Variants in NCMAP observed in about 807,000 individuals in gnomAD.
The protein encoded by NCMAP is noncompact myelin-associated protein.
NCMAP carries 8 observed loss-of-function variants against 7.8 expected under a neutral mutation model. The ratio of observed to expected loss-of-function variants is 1.02; its 90% CI spans 0.60 to 1.84. The LOEUF (loss-of-function observed/expected upper bound fraction) is 1.84, where lower values mean the gene tolerates loss of function less well. NCMAP is among the 40% of genes most tolerant of loss of function. The probability of loss-of-function intolerance (pLI) is 0.00; values close to 1 mark genes in which losing one functional copy is unlikely to be tolerated. For missense variants in NCMAP, 112 were observed against 131.4 expected, an observed-to-expected ratio of 0.85 and a Z score of 0.72; for synonymous variants, 41 against 52.9, an observed-to-expected ratio of 0.78 and a Z score of 0.98.
intron 1 of NCMAP, among the ~76,000 whole-genome samples, chr1:24,562,923 C>A (rs952105964): frequency 6.6e-6 from 1 of 151,652 alleles, no homozygotes; most frequent in Non-Finnish European, 1.5e-5. Context: ...TCCCTTCCCC[C>A]TCCTTATGCC....
At chr1:24,594,717 C>T (rs1652160189) in intron 1 of NCMAP, among the ~76,000 whole-genome samples, 1 of 152,068 alleles carries the variant, frequency 6.6e-6, no homozygotes. Flanking sequence ...ATGTCACTGA[C>T]TGCTTCATAA....
At chr1:24,587,971 G>C (rs372007261) in intron 1 of NCMAP, among the ~76,000 whole-genome samples, 9 of 151,768 alleles carry the variant, frequency 5.9e-5, no homozygotes, top group African/African-American at 1.9e-4. Context: ...TTTTTTAGGA[G>C]TTTAGGAGCG....
chr1:24,561,383 T>C (rs570571494), intron 1 of NCMAP, among the ~76,000 whole-genome samples: 3 of 152,240 alleles, frequency 2.0e-5, no homozygotes, highest in East Asian at 1.9e-4. Flanking sequence ...GTGATATTTA[T>C]ATGACTGCAT....
At chr1:24,575,903 C>A (rs7527475) in intron 1 of NCMAP, among the ~76,000 whole-genome samples, 1 of 129,712 alleles carries the variant, frequency 7.7e-6, no homozygotes, top group Non-Finnish European at 1.6e-5. Context: ...CGAGATCGCA[C>A]CATTGCACTC....
chr1:24,608,592 T>C lies in NCMAP; in HGVS notation c.*2845T>C, dbSNP rs1266748420. The C allele has an allele frequency of 1.3e-5, 2 of 152,272 alleles. No homozygotes were observed. The highest frequency in any genetic ancestry group is 2.9e-5 in the Non-Finnish European group (2 of 68,096). 9.4% of individuals were successfully genotyped at this position (152,272 alleles called of 1,614,324 possible). Reference sequence around the variant, plus strand: ...AAACAAATATGCTCCCCTAAACATATTCGGCTTGAAAAAGTTGTTTTGGGG... The same window carrying C: ...AAACAAATATGCTCCCCTAAACATACTCGGCTTGAAAAAGTTGTTTTGGGG... On this transcript the variant is annotated 3_prime_UTR_variant, in exon 4 of 4. Coordinates refer to ENST00000374392, the MANE Select transcript of NCMAP (RefSeq NM_001010980.5).
intron 1 of NCMAP, among the ~76,000 whole-genome samples, chr1:24,561,204 G>A (rs1249232939): frequency 7.1e-6 from 1 of 140,690 alleles, no homozygotes; most frequent in East Asian, 2.0e-4. Flanking sequence ...AAAAATAGCT[G>A]GGCACGGTGG....
intron 1 of NCMAP, among the ~76,000 whole-genome samples, chr1:24,556,973 C>T (rs1162420083): frequency 6.6e-6 from 1 of 152,178 alleles, no homozygotes; most frequent in Non-Finnish European, 1.5e-5. Flanking sequence ...ACACTTTTCT[C>T]TATGTTTCAG....
chr1:24,588,645 G>A (rs1405188135), intron 1 of NCMAP, among the ~76,000 whole-genome samples: 5 of 152,190 alleles, frequency 3.3e-5, no homozygotes, highest in Non-Finnish European at 7.3e-5. Context: ...GGATGGATCC[G>A]TGAATAAATG....
chr1:24,557,504 A>T (rs1412814801), intron 1 of NCMAP, among the ~76,000 whole-genome samples: 2 of 152,136 alleles, frequency 1.3e-5, no homozygotes, highest in African/African-American at 4.8e-5. Flanking sequence ...TGACAGGCAC[A>T]GCCAGAGCAC....
intron 1 of NCMAP, among the ~76,000 whole-genome samples, chr1:24,565,355 C>T (rs1651197057): frequency 6.6e-6 from 1 of 152,002 alleles, no homozygotes; most frequent in Admixed American, 6.5e-5. Context: ...TACACTGTAA[C>T]TGCCCAGATA....
chr1:24,585,481 G>A (rs1233886959), intron 1 of NCMAP, among the ~76,000 whole-genome samples: 2 of 152,146 alleles, frequency 1.3e-5, no homozygotes, highest in Non-Finnish European at 2.9e-5. Flanking sequence ...CTACAAAGAA[G>A]AATAAGCTTT....
chr1:24,588,882 G>A (rs1197332147), intron 1 of NCMAP, among the ~76,000 whole-genome samples: 2 of 152,158 alleles, frequency 1.3e-5, no homozygotes, highest in Non-Finnish European at 2.9e-5. Flanking sequence ...GCCTGTGTGG[G>A]TTTTTTCATC....
At chr1:24,560,761 C>G (rs1394237194) in intron 1 of NCMAP, among the ~76,000 whole-genome samples, 2 of 150,708 alleles carry the variant, frequency 1.3e-5, no homozygotes, top group East Asian at 3.9e-4. Flanking sequence ...AAAAAAAAAG[C>G]AGTTGTGCAA....
At chr1:24,589,308 T>C (rs148513804) in intron 1 of NCMAP, among the ~76,000 whole-genome samples, 2,099 of 152,194 alleles carry the variant, frequency 0.014, 52 homozygotes, top group African/African-American at 0.048. Context: ...ACTGAAGTGC[T>C]CCTGCTGGCC....
At chr1:24,593,191 A>G (rs989796540) in intron 1 of NCMAP, among the ~76,000 whole-genome samples, 9 of 151,920 alleles carry the variant, frequency 5.9e-5, no homozygotes, top group Non-Finnish European at 8.8e-5. Context: ...AGAAAAAAAA[A>G]AAAAGAACTG....
At chr1:24,562,699 G>A (rs1422785675) in intron 1 of NCMAP, among the ~76,000 whole-genome samples, 1 of 152,198 alleles carries the variant, frequency 6.6e-6, no homozygotes, top group Non-Finnish European at 1.5e-5. Context: ...CTACAGCCAT[G>A]CTGGAGTGAG....
At chr1:24,572,138 C>T (rs1156733253) in intron 1 of NCMAP, among the ~76,000 whole-genome samples, 3 of 148,700 alleles carry the variant, frequency 2.0e-5, no homozygotes, top group Non-Finnish European at 4.4e-5. Context: ...GCTGGGGCAG[C>T]GGCGAGCATG....
chr1:24,563,845 T>C (rs994126571), intron 1 of NCMAP: 2 of 152,208 alleles, frequency 1.3e-5, no homozygotes, highest in African/African-American at 4.8e-5. Flanking sequence ...AGGCTGGCCA[T>C]TTGCCCCAGC....
intron 2 of NCMAP, among the ~76,000 whole-genome samples, chr1:24,596,830 G>GC: frequency 6.6e-6 from 1 of 152,330 alleles, no homozygotes; most frequent in East Asian, 1.9e-4. Context: ...TGAACTAGTG[G>GC]CCCCGGAAGG....
Sources: gnomAD v4.1 joint callset for allele counts (sites outside exome capture counted in the v4.1 genomes callset) on GRCh38, gnomAD v4.1.1 for gene constraint, MANE v1.5 for transcripts, NCBI Gene and HGNC (gene_info 2026-07-23, HGNC 2026-07-21) for gene names.